CCSER2: variants seen among roughly 807,000 people sequenced by gnomAD.
The protein encoded by CCSER2 is serine-rich coiled-coil domain-containing protein 2.
A neutral mutation model predicts 92.3 loss-of-function variants in CCSER2; 46 were observed. That is an observed-to-expected ratio of 0.50 (90% confidence interval 0.39 to 0.64). The LOEUF is 0.64. Ranked by LOEUF, CCSER2 falls within the 30% of genes least tolerant of loss-of-function variation. The pLI is 0.00. For missense variants in CCSER2, 1,244 were observed against 1,238.9 expected (o/e 1.00, Z -0.06); for synonymous variants, 433 against 431.4 (o/e 1.00, Z -0.04).
At chr10:84,447,564 T>A (rs1335561056) in intron 6 of CCSER2, among the ~76,000 whole-genome samples, 1 of 152,226 alleles carries the variant, frequency 6.6e-6, no homozygotes, top group Non-Finnish European at 1.5e-5. Flanking sequence ...TATCAGACTT[T>A]TTTCTTTGTG....
chr10:84,329,974 C>T (rs1179159903), intron 1 of CCSER2, among the ~76,000 whole-genome samples: 1 of 152,240 alleles, frequency 6.6e-6, no homozygotes, highest in Non-Finnish European at 1.5e-5. Context: ...ATAATTCATA[C>T]TGTCGTACTT....
chr10:84,441,734 A>ATT lies in CCSER2; in HGVS notation c.2064+3028_2064+3029insTT, dbSNP rs1564667385. Among the ~76,000 whole-genome samples the ATT allele has an allele frequency of 1.6e-3, 171 of 106,436 alleles. 15 individuals carry two copies. Among genetic ancestry groups the ATT allele is most frequent in the Non-Finnish European group, 2.6e-3 (142 of 54,110 alleles). 69.8% of individuals were successfully genotyped at this position (106,436 alleles called of 152,430 possible). A position where few individuals can be genotyped will look rare whatever the true frequency, so the allele number is the denominator to read the frequency against. On this transcript the variant is annotated intron_variant, in intron 6 of 9. Coordinates refer to ENST00000372088, the MANE Select transcript of CCSER2 (RefSeq NM_001284240.2). ...GGGAATAAAGTAGAAGACTGGGAAA[A>ATT]TGTTTTTTTTTTTTTTTTTTTTTTT...
chr10:84,442,337 A>C (rs1436157808), intron 6 of CCSER2, among the ~76,000 whole-genome samples: 1 of 152,216 alleles, frequency 6.6e-6, no homozygotes, highest in Non-Finnish European at 1.5e-5. Flanking sequence ...CAGATCAGCT[A>C]TAAAGGACAT....
chr10:84,503,220 C>G (rs1438362177), intron 9 of CCSER2, among the ~76,000 whole-genome samples: 2 of 149,688 alleles, frequency 1.3e-5, no homozygotes, highest in Non-Finnish European at 3.0e-5. Flanking sequence ...GAGTGAGACT[C>G]TGTCTCAAAA....
intron 8 of CCSER2, among the ~76,000 whole-genome samples, chr10:84,474,515 G>C (rs936863024): frequency 6.6e-6 from 1 of 152,004 alleles, no homozygotes. Context: ...ACAAAAATTA[G>C]CTGGGCATGG....
At chr10:84,424,044 G>T (rs1843292081) in intron 4 of CCSER2, among the ~76,000 whole-genome samples, 1 of 151,004 alleles carries the variant, frequency 6.6e-6, no homozygotes, top group African/African-American at 2.4e-5. Context: ...CCTAGCTGCT[G>T]TGGAGGTTGA....
chr10:84,470,927 G>A (rs969069538), intron 8 of CCSER2, among the ~76,000 whole-genome samples: 1 of 152,038 alleles, frequency 6.6e-6, no homozygotes, highest in African/African-American at 2.4e-5. Context: ...TCAGAGTCAT[G>A]TTTGAATCTT....
At chr10:84,497,192 A>G (rs1848500154) in intron 9 of CCSER2, among the ~76,000 whole-genome samples, 1 of 152,212 alleles carries the variant, frequency 6.6e-6, no homozygotes, top group Non-Finnish European at 1.5e-5. Context: ...GAATGATCAT[A>G]ATTAATTTAG....
At position 84,516,294 on chromosome 10, in the gene CCSER2, G is replaced by A. The variant is rs1010401498; in HGVS notation, c.*2027G>A. On this transcript the variant is annotated 3_prime_UTR_variant, in exon 10 of 10. Transcript: ENST00000372088. ...GACAAATCTTGTACCATACTCTTAT[G>A]TACCAGCACTTCTGATGGAGAAGCA... The A allele has an allele frequency of 1.3e-5, 2 of 152,168 alleles. No individual in the cohort carries two copies. Among genetic ancestry groups the A allele is most frequent in the African/African-American group, 4.8e-5 (2 of 41,428 alleles). The allele number at this position is 152,168 out of a possible 1,614,324, so 9.4% of individuals were successfully genotyped here. A position where few individuals can be genotyped will look rare whatever the true frequency, so the allele number is the denominator to read the frequency against.
At chr10:84,509,588 T>TA (rs1849244709) in intron 9 of CCSER2, among the ~76,000 whole-genome samples, 3 of 152,138 alleles carry the variant, frequency 2.0e-5, no homozygotes, top group Non-Finnish European at 4.4e-5. Context: ...TGTGCTGAAG[T>TA]TTACATGTAT....
intron 5 of CCSER2, among the ~76,000 whole-genome samples, chr10:84,432,466 A>G (rs762867780): frequency 5.9e-5 from 9 of 152,140 alleles, no homozygotes; most frequent in Non-Finnish European, 1.0e-4. Flanking sequence ...CTGTGAGTAC[A>G]ATGTTTAGCT....
rs188733662 is a variant in CCSER2 at position 84,444,010 on chromosome 10, G to A, written c.2064+5303G>A. 2.4e-3 allele frequency among the ~76,000 whole-genome samples: 359 copies of A among 152,218 alleles called. 1 individual carries two copies. The highest frequency in any genetic ancestry group is 8.3e-3 in the African/African-American group (343 of 41,516). ...CCTGTCGGGGGGTAGGGGGCTGGGG[G>A]AGGATAGCATTAGGAGAAATACCTA... On this transcript the variant is annotated intron_variant, in intron 6 of 9. Transcript: ENST00000372088.
chr10:84,406,539 C>T (rs1331995308), intron 3 of CCSER2, among the ~76,000 whole-genome samples: 1 of 152,120 alleles, frequency 6.6e-6, no homozygotes, highest in Non-Finnish European at 1.5e-5. Context: ...TCTCAAAGTC[C>T]AAGGAAGTTC....
In CCSER2 at chr10:84,391,921, A is replaced by G. The variant is rs770110110; in HGVS notation, c.1614+18106A>G. 2.2e-6 allele frequency: 3 copies of G among 1,347,080 alleles called. No homozygotes were observed. In the African/African-American group the frequency reaches 4.3e-5, roughly 19 times the overall value. The allele number at this position is 1,347,080 out of a possible 1,614,324, so 83.4% of individuals were successfully genotyped here. ...ATGGATTAACCCAAAAGATGATCTC[A>G]GAGACACATTCGGTGTAAGATCCTT... On this transcript the variant is annotated intron_variant, in intron 3 of 9. Transcript: ENST00000372088.
In CCSER2 at chr10:84,371,811, T is replaced by C. The variant is rs146103957; in HGVS notation, c.759T>C (p.Pro253=). 203 of 1,613,930 alleles carry C rather than the reference T, an allele frequency of 1.3e-4. 1 individual carries two copies. In the African/African-American group the frequency reaches 2.4e-3, roughly 19 times the overall value. ...ATAGAGCTGTGGATCTTACAAAGCC[T>C]TATCAGAACCAACAGCTATCCATTA... ...SFNRAVDLTK[P]YQNQQLSIRV... The change falls in exon 2 of 10, where the codon CCT becomes CCC. Residue 253 remains proline, a synonymous_variant. Coordinates refer to ENST00000372088, the MANE Select transcript of CCSER2 (RefSeq NM_001284240.2).
At chr10:84,427,229 G>A (rs1843482421) in intron 5 of CCSER2, among the ~76,000 whole-genome samples, 1 of 152,114 alleles carries the variant, frequency 6.6e-6, no homozygotes, top group South Asian at 2.1e-4. Context: ...CAACAATTGG[G>A]CTGAGGTACA....
At chr10:84,418,086 A>G (rs1842966496) in intron 4 of CCSER2, among the ~76,000 whole-genome samples, 3 of 152,228 alleles carry the variant, frequency 2.0e-5, no homozygotes, top group African/African-American at 7.2e-5. Flanking sequence ...ATAACATTGT[A>G]TACCATAAAG....
In CCSER2 at chr10:84,514,139, A is replaced by G. The variant is rs1355074934; in HGVS notation, c.3016A>G (p.Lys1006Glu). ...ACTAGAGCCTCAAAGCTTCCAGGCC[A>G]AGACAAGCATCCCAAGGCCACTAAC... Reference protein sequence around the residue: ...PQLEPQSFQAKTSIPRPLTQR... With the variant: ...PQLEPQSFQAETSIPRPLTQR... Residue 1006 changes from lysine (K) to glutamate (E), a missense_variant, in exon 10 of 10, where the codon AAG (lysine) becomes GAG (glutamate). Lys to Glu is a moderately conservative substitution (Grantham distance 56). Coordinates refer to ENST00000372088, the MANE Select transcript of CCSER2 (RefSeq NM_001284240.2). 3 of 1,536,340 alleles carry G rather than the reference A, an allele frequency of 2.0e-6. No homozygotes were observed. The highest frequency in any genetic ancestry group is 2.6e-6 in the Non-Finnish European group (3 of 1,146,964).
chr10:84,329,267 C>G (rs534313464), intron 1 of CCSER2, among the ~76,000 whole-genome samples: 1 of 152,300 alleles, frequency 6.6e-6, no homozygotes, highest in East Asian at 1.9e-4. Flanking sequence ...ACACCGTTGC[C>G]GTAGGTTCAG....
Sources: allele counts gnomAD v4.1 joint callset (sites outside exome capture counted in the v4.1 genomes callset), GRCh38; gene constraint gnomAD v4.1.1; transcripts MANE v1.5; gene names NCBI Gene and HGNC (gene_info 2026-07-23, HGNC 2026-07-21).